Variants in USH2A observed in about 807,000 individuals in gnomAD.
USH2A encodes Usher syndrome 2A (autosomal recessive, mild).
A neutral mutation model predicts 538.9 loss-of-function variants in USH2A; 443 were observed. That is an observed-to-expected ratio of 0.82 (90% CI 0.76 to 0.89). The LOEUF (loss-of-function observed/expected upper bound fraction) is 0.89. USH2A is among the 40% of genes least tolerant of loss of function. USH2A has a pLI of 0.00. For synonymous variants in USH2A, 2,413 were observed against 2,273.5 expected (o/e 1.06, Z -1.75); for missense variants, 6,633 against 6,324.8 (o/e 1.05, Z -1.65).
chr1:216,211,344 C>G (rs901120987), intron 15 of USH2A, among the ~76,000 whole-genome samples: 4 of 152,214 alleles, frequency 2.6e-5, no homozygotes, highest in East Asian at 1.9e-4. Flanking sequence ...GGACTGACCC[C>G]TCACCCGTGG....
intron 11 of USH2A, among the ~76,000 whole-genome samples, chr1:216,257,146 C>A (rs989975385): frequency 2.4e-4 from 37 of 151,900 alleles, no homozygotes; most frequent in African/African-American, 8.2e-4. Flanking sequence ...TTGTGCAGAT[C>A]CATATTTCCA....
intron 12 of USH2A, among the ~76,000 whole-genome samples, chr1:216,247,717 T>A: frequency 6.6e-6 from 1 of 152,226 alleles, no homozygotes; most frequent in East Asian, 1.9e-4. Flanking sequence ...GTGACTATAC[T>A]TAATAATAAT....
chr1:216,089,238 T>C, intron 22 of USH2A, 99 bp from the exon 23 acceptor site: 3 of 1,286,456 alleles, frequency 2.3e-6, no homozygotes, highest in South Asian at 1.2e-5. Flanking sequence ...TTCAAGATTA[T>C]GATCCTGATA....
chr1:216,015,345 T>C (rs1668682350), intron 32 of USH2A, among the ~76,000 whole-genome samples: 1 of 152,220 alleles, frequency 6.6e-6, no homozygotes, highest in Non-Finnish European at 1.5e-5. Context: ...TCTCTGCCAT[T>C]GTGTAGCCCT....
At chr1:215,759,598 TATC>T (rs1199997092) in intron 57 of USH2A, 59 bp downstream of exon 57, 1 of 1,596,762 alleles carries the variant, frequency 6.3e-7, no homozygotes, top group Non-Finnish European at 8.6e-7. Context: ...ATGCATTTCT[TATC>T]AACCCAGAGA....
chr1:216,057,551 T>G (rs12071873), intron 30 of USH2A, among the ~76,000 whole-genome samples: 102,397 of 151,890 alleles, frequency 0.67, 35,921 homozygotes, highest in African/African-American at 0.87. Flanking sequence ...AACAGATGTG[T>G]TGGCATGCAC....
In USH2A at chr1:215,845,840, T is replaced by C; in HGVS notation, c.9039A>G (p.Ala3013=). 2 of 1,613,794 alleles carry C rather than the reference T, an allele frequency of 1.2e-6. No homozygotes were observed. Among genetic ancestry groups the C allele is most frequent in the South Asian group, 2.2e-5 (2 of 91,082 alleles). Residue 3013 remains alanine, a synonymous_variant, in exon 45 of 72, where the codon GCA becomes GCG. Transcript: ENST00000307340. The stretch of plus-strand genomic sequence containing the variant: ...TGGACTCACCCCCATCGCAAGTGGT[T>C]GCATGAAGTCCTGCACTGTTGATGC... The part of the protein sequence containing the change: ...VHSINSAGLH[A]TTCDGEPQGM...
chr1:215,644,775 G>T (rs1656794470), intron 67 of USH2A, among the ~76,000 whole-genome samples: 1 of 152,196 alleles, frequency 6.6e-6, no homozygotes, highest in African/African-American at 2.4e-5. Flanking sequence ...AAGTTAAAGA[G>T]TAAGTGGAAG....
intron 9 of USH2A, among the ~76,000 whole-genome samples, chr1:216,315,664 A>G (rs2037493202): frequency 6.6e-6 from 1 of 152,192 alleles, no homozygotes; most frequent in African/African-American, 2.4e-5. Context: ...CCATGGGACA[A>G]ATTGGTAGAG....
intron 64 of USH2A, among the ~76,000 whole-genome samples, chr1:215,657,786 T>C (rs1657308609): frequency 6.6e-6 from 1 of 152,206 alleles, no homozygotes. Context: ...TTTCCCATGC[T>C]AGAATTGGGT....
chr1:215,836,498 A>ATG (rs1491303511), intron 47 of USH2A, among the ~76,000 whole-genome samples: 1,316 of 17,752 alleles, frequency 0.074, 199 homozygotes, highest in African/African-American at 0.2. Context: ...TTATATATAT[A>ATG]ATATATATTA....
chr1:215,946,814 T>C (rs1274685864), intron 37 of USH2A, among the ~76,000 whole-genome samples: 2 of 152,142 alleles, frequency 1.3e-5, no homozygotes, highest in African/African-American at 4.8e-5. Context: ...TTTAAATACA[T>C]TTGAAACAAT....
At chr1:215,700,055 T>C (rs1306202848) in intron 61 of USH2A, among the ~76,000 whole-genome samples, 2 of 152,210 alleles carry the variant, frequency 1.3e-5, no homozygotes, top group Admixed American at 1.3e-4. Flanking sequence ...TCTGCATCTA[T>C]TGAGATAATC....
At chr1:215,842,892 G>C (rs970672946) in intron 46 of USH2A, among the ~76,000 whole-genome samples, 2 of 151,870 alleles carry the variant, frequency 1.3e-5, no homozygotes. Flanking sequence ...TGGGTTGTTA[G>C]GTGCAGCAAA....
chr1:215,899,328 C>G (rs1665431488), intron 40 of USH2A, among the ~76,000 whole-genome samples: 1 of 152,126 alleles, frequency 6.6e-6, no homozygotes, highest in South Asian at 2.1e-4. Flanking sequence ...ACTCAAAAAA[C>G]CTAACTGTTC....
intron 16 of USH2A, among the ~76,000 whole-genome samples, chr1:216,201,308 T>A (rs552142730): frequency 2.0e-5 from 3 of 149,288 alleles, no homozygotes; most frequent in Non-Finnish European, 4.4e-5. Flanking sequence ...CAGTCTTTTT[T>A]CTTTTTTTTT....
intron 49 of USH2A, among the ~76,000 whole-genome samples, chr1:215,805,250 G>A (rs12132976): frequency 0.034 from 5,196 of 151,394 alleles, 101 homozygotes; most frequent in African/African-American, 0.051. Context: ...TAACCTGCAC[G>A]TTGTGCACAT....
intron 11 of USH2A, among the ~76,000 whole-genome samples, chr1:216,265,703 G>A (rs2036458146): frequency 6.6e-6 from 1 of 151,716 alleles, no homozygotes; most frequent in South Asian, 2.1e-4. Flanking sequence ...CCATGAAAAG[G>A]AATAAAACTC....
chr1:215,650,864 A>AG, intron 64 of USH2A, 63 bp from the exon 65 acceptor site: 1 of 1,579,958 alleles, frequency 6.3e-7, no homozygotes, highest in East Asian at 2.2e-5. Flanking sequence ...AAAAAAAAAA[A>AG]AAAAAGAAAG....
Sources: gnomAD v4.1 joint callset for allele counts (sites outside exome capture counted in the v4.1 genomes callset) on GRCh38, gnomAD v4.1.1 for gene constraint, MANE v1.5 for transcripts, NCBI Gene and HGNC (gene_info 2026-07-23, HGNC 2026-07-21) for gene names.